SNAP91: variants seen among roughly 807,000 people sequenced by gnomAD.
SNAP91 encodes clathrin coat assembly protein AP180.
Under a neutral mutation model 100.3 loss-of-function variants are expected in SNAP91, and 27 were observed. The observed-to-expected ratio is 0.27, with a 90% CI of 0.20 to 0.37. The LOEUF (loss-of-function observed/expected upper bound fraction) is 0.37, where lower values mean the gene tolerates loss of function less well. Among genes scored for constraint, SNAP91 ranks in the 10% least tolerant of loss-of-function variants. The pLI is 1.00. For synonymous variants in SNAP91, 404 were observed against 398.6 expected, an observed-to-expected ratio of 1.01 and a Z score of -0.16; for missense variants, 986 against 1,123.7, an observed-to-expected ratio of 0.88 and a Z score of 1.75.
At position 83,605,671 on chromosome 6, in the gene SNAP91, C is replaced by T. The variant is rs747790463; in HGVS notation, c.1141+14G>A. 2.1e-5 allele frequency: 33 copies of T among 1,550,718 alleles called. 1 individual carries two copies. The South Asian group carries it at 3.9e-4, about 18-fold the overall frequency. On this transcript the variant is annotated intron_variant, in intron 14 of 29. Coordinates refer to ENST00000369694, the MANE Select transcript of SNAP91 (RefSeq NM_001242792.2). ...ATGAATAGAGAAATGGCAAGGTTGTCTGGTTTTACTCACCTCCCCATGCAG... is the reference window on the plus strand; with the variant it reads ...ATGAATAGAGAAATGGCAAGGTTGTTTGGTTTTACTCACCTCCCCATGCAG...
chr6:83,680,893 G>A (rs1455630906), intron 2 of SNAP91, among the ~76,000 whole-genome samples: 2 of 152,106 alleles, frequency 1.3e-5, no homozygotes, highest in Non-Finnish European at 2.9e-5. Flanking sequence ...TTGAAGTTGG[G>A]CTGCAGTAGG....
chr6:83,627,501 G>GT (rs1344811826), intron 8 of SNAP91, among the ~76,000 whole-genome samples: 15 of 151,960 alleles, frequency 9.9e-5, no homozygotes, highest in African/African-American at 2.2e-4. Context: ...TTCTTAGTAG[G>GT]TTTTTTTACT....
chr6:83,700,067 A>G (rs1312354485), intron 2 of SNAP91, among the ~76,000 whole-genome samples: 1 of 152,242 alleles, frequency 6.6e-6, no homozygotes, highest in Non-Finnish European at 1.5e-5. Flanking sequence ...TTAGGGGTTA[A>G]AACTACAGTG....
chr6:83,689,109 G>C (rs945521604), intron 2 of SNAP91, among the ~76,000 whole-genome samples: 2 of 152,156 alleles, frequency 1.3e-5, no homozygotes, highest in Admixed American at 1.3e-4. Flanking sequence ...TCATGGCTCA[G>C]AGTGGGGCTT....
In SNAP91 at chr6:83,662,391, G is replaced by T; in HGVS notation, c.305C>A (p.Thr102Lys). 1 of 1,419,008 alleles carries T rather than the reference G, an allele frequency of 7.0e-7. No homozygotes were observed. Among genetic ancestry groups the T allele is most frequent in the Non-Finnish European group, 9.4e-7 (1 of 1,060,966 alleles). The allele number at this position is 1,419,008 out of a possible 1,614,324, so 87.9% of individuals were successfully genotyped here. ...RFIQYLASRN[T>K]LFNLSNFLDK... is the part of the protein sequence containing the mutation. ...CAAAAAATTGCTGAGATTGAATAGT[G>T]TATTTCTAGAAGCCAAATATTGAAT... Residue 102 changes from threonine (T) to lysine (K), a missense_variant, in exon 4 of 30, where the codon ACA becomes AAA. By Grantham distance (78) the Thr-to-Lys change is moderately conservative (BLOSUM62 -1). This residue lies in a region of SNAP91 where 330 missense variants were observed against 447.5 expected (regional missense o/e 0.74). Coordinates refer to ENST00000369694, the MANE Select transcript of SNAP91 (RefSeq NM_001242792.2).
chr6:83,676,900 A>C (rs76038248), intron 2 of SNAP91, among the ~76,000 whole-genome samples: 7,538 of 152,196 alleles, frequency 0.05, 584 homozygotes, highest in African/African-American at 0.17. Flanking sequence ...AAAAGGTAGG[A>C]TTCTGGATAT....
At chr6:83,616,815 A>G (rs2096510491) in intron 10 of SNAP91, 154 bp downstream of exon 10, 5 of 510,066 alleles carry the variant, frequency 9.8e-6, no homozygotes, top group Non-Finnish European at 1.7e-5. Context: ...TCATAAGTTA[A>G]TAGGAAGAGT....
intron 9 of SNAP91, among the ~76,000 whole-genome samples, chr6:83,618,478 A>T (rs2096587260): frequency 6.6e-6 from 1 of 151,936 alleles, no homozygotes; most frequent in South Asian, 2.1e-4. Context: ...ATTCTAATAA[A>T]ACACAACTAA....
chr6:83,576,048 C>G lies in SNAP91; in HGVS notation c.2305G>C (p.Gly769Arg). The G allele has an allele frequency of 7.2e-7, 1 of 1,394,992 alleles. No homozygotes were observed. The highest frequency in any genetic ancestry group is 9.8e-7 in the Non-Finnish European group (1 of 1,019,204). The allele number at this position is 1,394,992 out of a possible 1,614,324, so 86.4% of individuals were successfully genotyped here. The change falls in exon 25 of 30, where the codon GGA becomes CGA. Residue 769 changes from glycine (G) to arginine (R), a missense_variant. Physicochemically the swap from Gly to Arg is moderately radical, Grantham distance 125 (BLOSUM62 -2). This residue lies in a region of SNAP91 where 575 missense variants were observed against 579.9 expected (regional missense o/e 0.99). Coordinates refer to ENST00000369694, the MANE Select transcript of SNAP91 (RefSeq NM_001242792.2). ...TTTTTTGTTGTGGTACCAGAAATTC[C>G]AAGATCTATAAATGGATAAAAGAAA... The part of the protein sequence containing the change: ...SSLASLVGNL[G>R]ISGTTTKKGD...
chr6:83,690,682 G>A (rs963791006), intron 2 of SNAP91, among the ~76,000 whole-genome samples: 1 of 152,024 alleles, frequency 6.6e-6, no homozygotes, highest in Non-Finnish European at 1.5e-5. Context: ...ATTTCTGCTT[G>A]TATATCTCAT....
chr6:83,685,915 C>CT (rs547640150), intron 2 of SNAP91, among the ~76,000 whole-genome samples: 447 of 151,216 alleles, frequency 3.0e-3, no homozygotes, highest in Non-Finnish European at 3.7e-3. Context: ...AAAAATAGGT[C>CT]TTTTTTTTTC....
intron 13 of SNAP91, among the ~76,000 whole-genome samples, chr6:83,607,432 C>T (rs997352575): frequency 2.0e-5 from 3 of 151,788 alleles, no homozygotes; most frequent in Non-Finnish European, 4.4e-5. Flanking sequence ...AAAACACTTT[C>T]CATATCAGCC....
chr6:83,686,060 G>C (rs2099056218), intron 2 of SNAP91: 1 of 588,598 alleles, frequency 1.7e-6, no homozygotes, highest in South Asian at 7.4e-5. Flanking sequence ...CAAGCGTCTA[G>C]ACCAGTAGAT....
At position 83,556,265 on chromosome 6, in the gene SNAP91, C is replaced by T; in HGVS notation, c.2632-20G>A. 1.4e-6 allele frequency: 2 copies of T among 1,418,590 alleles called. No homozygotes were observed. Among genetic ancestry groups the T allele is most frequent in the Non-Finnish European group, 9.5e-7 (1 of 1,048,378 alleles). The allele number at this position is 1,418,590 out of a possible 1,614,324, so 87.9% of individuals were successfully genotyped here. ...AGAAAGCTAATGGGAAAAAGCCAGC[C>T]CCAAAGAGCAGGAATAGAAAGCAGA... is the stretch of plus-strand genomic sequence containing the variant. On this transcript the variant is annotated intron_variant, in intron 28 of 29. Transcript: ENST00000369694.
intron 2 of SNAP91, among the ~76,000 whole-genome samples, chr6:83,675,808 A>G (rs956029797): frequency 1.5e-5 from 2 of 135,034 alleles, no homozygotes; most frequent in African/African-American, 5.3e-5. Flanking sequence ...TATAGCACAG[A>G]GCCTGATACA....
chr6:83,571,965 A>G (rs899962729), intron 26 of SNAP91, among the ~76,000 whole-genome samples: 1 of 152,094 alleles, frequency 6.6e-6, no homozygotes, highest in Non-Finnish European at 1.5e-5. Context: ...TCCCTGCACA[A>G]GCTCTTCCTT....
At chr6:83,626,823 T>C (rs2096951241) in intron 8 of SNAP91, among the ~76,000 whole-genome samples, 1 of 152,092 alleles carries the variant, frequency 6.6e-6, no homozygotes, top group African/African-American at 2.4e-5. Flanking sequence ...TAGTTTGACT[T>C]CCTCTTTTCC....
At chr6:83,610,729 A>G (rs1432350043) in intron 11 of SNAP91, 52 bp from the exon 12 acceptor site, 4 of 209,198 alleles carry the variant, frequency 1.9e-5, no homozygotes, top group South Asian at 2.2e-4. Flanking sequence ...ATATATATAT[A>G]TATATATATA....
chr6:83,652,220 T>A (rs2128657184), intron 7 of SNAP91, among the ~76,000 whole-genome samples: 1 of 152,282 alleles, frequency 6.6e-6, no homozygotes, highest in African/African-American at 2.4e-5. Flanking sequence ...ATAGCTGGAT[T>A]AGTATCTACC....
Sources: gnomAD v4.1 joint callset for allele counts (sites outside exome capture counted in the v4.1 genomes callset) on GRCh38, gnomAD v4.1.1 for gene constraint, gnomAD v4.1.1 regional missense constraint, MANE v1.5 for transcripts, NCBI Gene and HGNC (gene_info 2026-07-23, HGNC 2026-07-21) for gene names.